The following IGFLR1 variants were observed in gnomAD, a reference collection of about 807,000 sequenced individuals.
The protein encoded by IGFLR1 is IGF like family receptor 1, also known as IGF-like family receptor 1.
Under a neutral mutation model 23.4 loss-of-function variants are expected in IGFLR1, and 17 were observed. The ratio of observed to expected loss-of-function variants is 0.73; its 90% CI spans 0.50 to 1.09. The LOEUF (loss-of-function observed/expected upper bound fraction) is 1.09, where lower values mean the gene tolerates loss of function less well. Ranked by LOEUF, IGFLR1 falls within the 50% of genes least tolerant of loss-of-function variation. IGFLR1 has a pLI of 0.00. For missense variants in IGFLR1, 556 were observed against 459.2 expected, an observed-to-expected ratio of 1.21 and a Z score of -1.93; for synonymous variants, 265 against 210.7, an observed-to-expected ratio of 1.26 and a Z score of -2.23.
intron 2 of IGFLR1, 145 bp from the exon 3 acceptor site, chr19:35,740,709 T>C: frequency 1.2e-6 from 1 of 805,356 alleles, no homozygotes; most frequent in Non-Finnish European, 1.9e-6. Flanking sequence ...GTCACTTTTC[T>C]CCGGGCTCGC....
chr19:35,740,586 A>T, intron 2 of IGFLR1, 22 bp from the exon 3 acceptor site: 1 of 1,582,132 alleles, frequency 6.3e-7, no homozygotes, highest in South Asian at 1.1e-5. Flanking sequence ...GCTGCGCTCC[A>T]GTGCGGCCGC....
rs4145402 is a variant in IGFLR1 at position 35,740,759 on chromosome 19, C to T, written c.158-195G>A. On this transcript the variant is annotated intron_variant, in intron 2 of 4. Coordinates refer to ENST00000246532, the MANE Select transcript of IGFLR1 (RefSeq NM_024660.4). ...CCAGCCTGCTCCGCACGAAGCTCCGCCCACTCCCGGCTTCTCTACATAAAG... is the reference window on the plus strand; with the variant it reads ...CCAGCCTGCTCCGCACGAAGCTCCGTCCACTCCCGGCTTCTCTACATAAAG... 4,662 of 647,904 alleles carry T rather than the reference C, an allele frequency of 7.2e-3. 278 individuals are homozygous for T. The East Asian group carries it at 0.12, about 17-fold the overall frequency. 40.1% of individuals were successfully genotyped at this position (647,904 alleles called of 1,614,324 possible).
At chr19:35,742,278 A>T in intron 1 of IGFLR1, 118 bp downstream of exon 1, 1 of 771,894 alleles carries the variant, frequency 1.3e-6, no homozygotes, top group Non-Finnish European at 1.9e-6. Flanking sequence ...TTTGAATCCT[A>T]ATCTCCTTGG....
chr19:35,739,564 C>A lies in IGFLR1; in HGVS notation c.784G>T (p.Glu262Ter). 1 of 1,613,996 alleles carries A rather than the reference C, an allele frequency of 6.2e-7. No homozygotes were observed. The highest frequency in any genetic ancestry group is 1.7e-5 in the Admixed American group (1 of 60,026). Residue 262 changes from glutamate (E) to a stop codon, truncating the protein, a stop_gained, in exon 5 of 5, where the codon GAG becomes TAG. Transcript: ENST00000246532. LOFTEE classifies it low-confidence loss of function (END_TRUNC). ...TCAGGGTCCAGCAGTACAATCAGCT[C>A]TTCCAGCACCTCCAGCTCATCCAGG... ...RLLDELEVLE[E>*]LIVLLDPEPG...
chr19:35,740,732 C>G (rs560034416), intron 2 of IGFLR1, 168 bp from the exon 3 acceptor site: 15 of 693,372 alleles, frequency 2.2e-5, no homozygotes, highest in East Asian at 1.4e-4. Flanking sequence ...TTTCACCCCC[C>G]TCCAGCCTGC....
At position 35,738,862 on chromosome 19, in the gene IGFLR1, G is replaced by A. The variant is rs1353256545; in HGVS notation, c.*418C>T. 1 of 480,274 alleles carries A rather than the reference G, an allele frequency of 2.1e-6. No individual in the cohort carries two copies. The allele number at this position is 480,274 out of a possible 1,614,324, so 29.8% of individuals were successfully genotyped here. ...CAGGTGGGAACCCCCCCACAATAAA[G>A]TCTGTCAATGTTTGGAGAGGTGGTC... On this transcript the variant is annotated 3_prime_UTR_variant, in exon 5 of 5. Coordinates refer to ENST00000246532, the MANE Select transcript of IGFLR1 (RefSeq NM_024660.4). The surrounding 1 kb of genome is among the most constrained non-coding windows in gnomAD (Gnocchi z 8.7).
At chr19:35,742,039 G>A (rs1360896989) in intron 1 of IGFLR1, among the ~76,000 whole-genome samples, 1 of 152,202 alleles carries the variant, frequency 6.6e-6, no homozygotes, top group African/African-American at 2.4e-5. Flanking sequence ...AACCTGGGAA[G>A]TGGAGGCTGC....
Position 35,741,145 on chromosome 19 carries a change from C to T in IGFLR1, c.36G>A (p.Leu12=), listed in dbSNP as rs1214842204. The T allele has an allele frequency of 6.2e-7, 1 of 1,603,344 alleles. No individual in the cohort carries two copies. Among genetic ancestry groups the T allele is most frequent in the Non-Finnish European group, 8.5e-7 (1 of 1,173,460 alleles). ...GPGRCLLTAL[L]LLALAPPPEA... is the part of the protein sequence containing the mutation. ...CCGGCGGTGGCGCCAGGGCCAGAAG[C>T]AACAAGGCCGTCAGGAGGCATCGTC... Residue 12 remains leucine (L), a synonymous_variant, in exon 2 of 5, where the codon TTG becomes TTA. Transcript: ENST00000246532.
chr19:35,739,915 G>A lies in IGFLR1; in HGVS notation c.516C>T (p.Thr172=), dbSNP rs778955833. The A allele has an allele frequency of 3.1e-6, 5 of 1,614,034 alleles. No individual in the cohort carries two copies. In the African/African-American group the frequency reaches 5.3e-5, roughly 17 times the overall value. ...LPLVVLVLLL[T]LAVIAILLFI... ...ACAGGAGGATCGCTATCACCGCCAAGGTCAGGAGCAGGACCAGCACCACGA... is the reference window on the plus strand; with the variant it reads ...ACAGGAGGATCGCTATCACCGCCAAAGTCAGGAGCAGGACCAGCACCACGA... Residue 172 remains threonine (T), a synonymous_variant, in exon 4 of 5, where the codon ACC becomes ACT. Transcript: ENST00000246532.
intron 1 of IGFLR1, 143 bp downstream of exon 1, chr19:35,742,253 G>T: frequency 1.7e-6 from 1 of 581,174 alleles, no homozygotes; most frequent in Non-Finnish European, 2.7e-6. Flanking sequence ...CCACCTCCCA[G>T]CACCTCACCT....
chr19:35,739,290 C>A lies in IGFLR1; in HGVS notation c.1058G>T (p.Cys353Phe). 6.3e-7 allele frequency: 1 copy of A among 1,589,580 alleles called. No individual in the cohort carries two copies. The highest frequency in any genetic ancestry group is 1.7e-5 in the Admixed American group (1 of 58,152). Residue 353 changes from cysteine to phenylalanine, a missense_variant, in exon 5 of 5, where the codon TGC becomes TTC. Physicochemically the swap from Cys to Phe is radical, Grantham distance 205. Transcript: ENST00000246532. ...GTTCTTTATTGGGTGTTAAGCCCAG[C>A]AAACCCCAGATGAGCCAAGCTTGGA... is the stretch of plus-strand genomic sequence containing the variant. ...VLSKLGSSGVCWA is the reference protein window; with the variant it reads ...VLSKLGSSGVFWA
Position 35,739,522 on chromosome 19 carries a change from C to T in IGFLR1, c.826G>A (p.Gly276Ser), listed in dbSNP as rs147295574. The stretch of plus-strand genomic sequence containing the variant: ...TGTCGAGTAGTGCCATGGGCCATAC[C>T]CCCACCTGGCCCAGGCTCAGGGTCC... ...LLDPEPGPGG[G>S]MAHGTTRHLA... Residue 276 changes from glycine to serine, a missense_variant, in exon 5 of 5, where the codon GGT becomes AGT. Coordinates refer to ENST00000246532, the MANE Select transcript of IGFLR1 (RefSeq NM_024660.4). The T allele has an allele frequency of 1.2e-6, 2 of 1,614,052 alleles. No homozygotes were observed. The highest frequency in any genetic ancestry group is 1.1e-5 in the South Asian group (1 of 91,084).
rs1299552912 is a variant in IGFLR1 at position 35,740,526 on chromosome 19, C to G, written c.196G>C (p.Gly66Arg). The G allele has an allele frequency of 2.5e-6, 4 of 1,611,724 alleles. No individual in the cohort carries two copies. Among genetic ancestry groups the G allele is most frequent in the African/African-American group, 1.3e-5 (1 of 74,982 alleles). ...CGGAACGGGGGCGTTACGAAATCGC[C>G]GTGGTCATTGAGTCCGCAGTTTTCC... is the stretch of plus-strand genomic sequence containing the variant. ...FRENCGLNDH[G>R]DFVTPPFRKC... The change falls in exon 3 of 5, where the codon GGC (glycine) becomes CGC (arginine). Residue 66 changes from glycine to arginine, a missense_variant. Gly to Arg is a moderately radical substitution (Grantham distance 125). Transcript: ENST00000246532.
rs766470670 is a variant in IGFLR1, at chr19:35,740,520, A to G, written c.202T>C (p.Phe68Leu). The change falls in exon 3 of 5, where the codon TTC becomes CTC. Residue 68 changes from phenylalanine to leucine, a missense_variant. Transcript: ENST00000246532. ...ENCGLNDHGD[F>L]VTPPFRKCSS... ...CACTTTCGGAACGGGGGCGTTACGAAATCGCCGTGGTCATTGAGTCCGCAG... is the reference window on the plus strand; with the variant it reads ...CACTTTCGGAACGGGGGCGTTACGAGATCGCCGTGGTCATTGAGTCCGCAG... 2.0e-5 allele frequency: 32 copies of G among 1,612,540 alleles called. No individual in the cohort carries two copies. The Admixed American group carries it at 5.3e-4, about 27-fold the overall frequency.
In IGFLR1 at chr19:35,741,048, G is replaced by T. The variant is rs1970201605; in HGVS notation, c.133C>A (p.Arg45Ser). Residue 45 changes from arginine to serine, a missense_variant, in exon 2 of 5, where the codon CGC becomes AGC. Arg to Ser is a moderately radical substitution (Grantham distance 110, BLOSUM62 -1). Transcript: ENST00000246532. ...CCCGGGCAGGGGGGCGGCCCGAAGC[G>T]TTGCAGGCAGCTGCTGCAGCACTTG... ...DNKCCSSCLQ[R>S]FGPPPCPDYE... 2.5e-6 allele frequency: 4 copies of T among 1,609,588 alleles called. No individual in the cohort carries two copies. The highest frequency in any genetic ancestry group is 3.4e-6 in the Non-Finnish European group (4 of 1,177,728).
chr19:35,740,482 C>G lies in IGFLR1; in HGVS notation c.240G>C (p.Gln80His), dbSNP rs997327882. Reference sequence around the variant, plus strand: ...ATAGCTCCGCGCCGTCGGGGTTGCACTGCCCAGAAGAACACTTTCGGAACG... The same window carrying G: ...ATAGCTCCGCGCCGTCGGGGTTGCAGTGCCCAGAAGAACACTTTCGGAACG... Reference protein sequence around the residue: ...TPPFRKCSSGQCNPDGAELCS... With the variant: ...TPPFRKCSSGHCNPDGAELCS... Residue 80 changes from glutamine to histidine, a missense_variant, in exon 3 of 5, where the codon CAG becomes CAC. Coordinates refer to ENST00000246532, the MANE Select transcript of IGFLR1 (RefSeq NM_024660.4). The G allele has an allele frequency of 6.2e-7, 1 of 1,613,120 alleles. No homozygotes were observed. The highest frequency in any genetic ancestry group is 8.5e-7 in the Non-Finnish European group (1 of 1,179,896).
chr19:35,740,684 G>A (rs943410294), intron 2 of IGFLR1, 120 bp from the exon 3 acceptor site: 3 of 937,026 alleles, frequency 3.2e-6, no homozygotes, highest in East Asian at 2.7e-5. Flanking sequence ...GCCTATTAGC[G>A]TGCGCCCCGG....
In IGFLR1 at chr19:35,740,495, C is replaced by A; in HGVS notation, c.227G>T (p.Cys76Phe). ...GDFVTPPFRK[C>F]SSGQCNPDGA... ...GTCGGGGTTGCACTGCCCAGAAGAA[C>A]ACTTTCGGAACGGGGGCGTTACGAA... Residue 76 changes from cysteine to phenylalanine, a missense_variant, in exon 3 of 5, where the codon TGT (cysteine) becomes TTT (phenylalanine). Physicochemically the swap from Cys to Phe is radical, Grantham distance 205. Transcript: ENST00000246532. The A allele has an allele frequency of 6.2e-7, 1 of 1,613,114 alleles. No homozygotes were observed. Among genetic ancestry groups the A allele is most frequent in the South Asian group, 1.1e-5 (1 of 91,080 alleles).
chr19:35,740,224 A>G, intron 3 of IGFLR1, 136 bp from the exon 4 acceptor site: 5 of 1,305,870 alleles, frequency 3.8e-6, no homozygotes, highest in Non-Finnish European at 5.1e-6. Flanking sequence ...GGGCCCCGCA[A>G]GGCCCAACTA....
Sources: allele counts gnomAD v4.1 joint callset (sites outside exome capture counted in the v4.1 genomes callset), GRCh38; gene constraint gnomAD v4.1.1; non-coding constraint Gnocchi (gnomAD v3.1); transcripts MANE v1.5; gene names NCBI Gene and HGNC (gene_info 2026-07-23, HGNC 2026-07-21).